FNIP1: variants seen among roughly 807,000 people sequenced by gnomAD.
The protein encoded by FNIP1 is folliculin interacting protein 1, also known as folliculin-interacting protein 1.
FNIP1 carries 40 observed loss-of-function variants against 124.5 expected under a neutral mutation model. The observed-to-expected ratio is 0.32, with a 90% confidence interval of 0.25 to 0.42. FNIP1 has a LOEUF of 0.42. Ranked by LOEUF, FNIP1 falls within the 10% of genes least tolerant of loss-of-function variation. FNIP1 has a pLI of 1.00. For synonymous variants in FNIP1, 472 were observed against 470.6 expected, an observed-to-expected ratio of 1.00 and a Z score of -0.04; for missense variants, 1,176 against 1,403.7, an observed-to-expected ratio of 0.84 and a Z score of 2.59.
intron 1 of FNIP1, among the ~76,000 whole-genome samples, chr5:131,754,477 A>G (rs1222823345): frequency 2.0e-5 from 3 of 152,264 alleles, no homozygotes; most frequent in Non-Finnish European, 2.9e-5. Context: ...GATTCCAGGC[A>G]GTCTTTCAGT....
chr5:131,681,274 G>GA (rs1016126690), intron 11 of FNIP1, among the ~76,000 whole-genome samples: 2 of 152,024 alleles, frequency 1.3e-5, no homozygotes, highest in African/African-American at 4.8e-5. Context: ...GAGATTAGGG[G>GA]AAAAATATCT....
In FNIP1 at chr5:131,796,851, C is replaced by G. The variant is rs1423785088; in HGVS notation, c.71G>C (p.Arg24Pro). 2 of 1,601,198 alleles carry G rather than the reference C, an allele frequency of 1.2e-6. No individual in the cohort carries two copies. The highest frequency in any genetic ancestry group is 1.7e-6 in the Non-Finnish European group (2 of 1,174,700). The part of the protein sequence containing the change: ...TGLGAPGRDA[R>P]DPDCGFSWPL... ...CTACCTGAACCCGCAATCTGGGTCC[C>G]GGGCGTCGCGGCCGGGCGCGCCCAG... is the stretch of plus-strand genomic sequence containing the variant. The change falls in exon 1 of 18, where the codon CGG (arginine) becomes CCG (proline). Residue 24 changes from arginine (R) to proline (P), a missense_variant. This residue lies in a region of FNIP1 where 1,109 missense variants were observed against 1,288.5 expected (regional missense o/e 0.86). Transcript: ENST00000510461.
In FNIP1 at chr5:131,742,691, C is replaced by G. The variant is rs1770550843; in HGVS notation, c.219+1873G>C. 2.0e-5 allele frequency among the ~76,000 whole-genome samples: 3 copies of G among 152,206 alleles called. No homozygotes were observed. The South Asian group carries it at 6.2e-4, about 31-fold the overall frequency. On this transcript the variant is annotated intron_variant, in intron 2 of 17. Coordinates refer to ENST00000510461, the MANE Select transcript of FNIP1 (RefSeq NM_133372.3). Reference sequence around the variant, plus strand: ...CAAAGCTGAATAATTTACTTTCATACAGCAAACTGCTAATGCTTAAACATA... The same window carrying G: ...CAAAGCTGAATAATTTACTTTCATAGAGCAAACTGCTAATGCTTAAACATA...
At chr5:131,655,791 G>A (rs895629274) in intron 15 of FNIP1, among the ~76,000 whole-genome samples, 3 of 151,616 alleles carry the variant, frequency 2.0e-5, no homozygotes, top group African/African-American at 4.8e-5. Flanking sequence ...GGTGGCAGGC[G>A]CCTGCAATCC....
intron 15 of FNIP1, among the ~76,000 whole-genome samples, chr5:131,661,834 A>T (rs564942386): frequency 6.6e-6 from 1 of 152,202 alleles, no homozygotes; most frequent in African/African-American, 2.4e-5. Context: ...CAAATTAGAT[A>T]AGTGAATGGT....
intron 1 of FNIP1, among the ~76,000 whole-genome samples, chr5:131,749,055 A>G (rs994966553): frequency 2.0e-5 from 3 of 152,184 alleles, no homozygotes; most frequent in African/African-American, 7.2e-5. Context: ...GCACATAAAG[A>G]AAGAAAATAT....
chr5:131,681,612 C>A, intron 11 of FNIP1, among the ~76,000 whole-genome samples: 1 of 149,472 alleles, frequency 6.7e-6, no homozygotes, highest in African/African-American at 2.5e-5. Context: ...ATCTAATTTT[C>A]AAAGAAAAGG....
Position 131,785,050 on chromosome 5 carries a change from TATATATATC to T in FNIP1, c.92+11771_92+11779del, listed in dbSNP as rs1188038414. Reference sequence around the variant, plus strand: ...ATGACATATATATGATATATATGACTATATATATCATATATATGATATATATGACATATA... The same window carrying T: ...ATGACATATATATGATATATATGACTATATATATGATATATATGACATATA... On this transcript the variant is annotated intron_variant, in intron 1 of 17. Transcript: ENST00000510461. 3.9e-3 allele frequency among the ~76,000 whole-genome samples: 457 copies of T among 116,476 alleles called. 39 individuals carry two copies. The highest frequency in any genetic ancestry group is 0.02 in the African/African-American group (403 of 20,428). The allele number at this position is 116,476 out of a possible 152,430, so 76.4% of individuals were successfully genotyped here. A position where few individuals can be genotyped will look rare whatever the true frequency, so the allele number is the denominator to read the frequency against.
chr5:131,711,223 C>T (rs1769281368), intron 6 of FNIP1, among the ~76,000 whole-genome samples: 1 of 152,138 alleles, frequency 6.6e-6, no homozygotes, highest in Non-Finnish European at 1.5e-5. Flanking sequence ...ACCAAGGTTA[C>T]TAAACCAGGA....
intron 2 of FNIP1, among the ~76,000 whole-genome samples, chr5:131,739,431 A>C (rs945149328): frequency 2.0e-5 from 3 of 152,168 alleles, no homozygotes; most frequent in African/African-American, 7.2e-5. Context: ...ATGATGCCTT[A>C]ATCATATACC....
intron 1 of FNIP1, among the ~76,000 whole-genome samples, chr5:131,768,671 G>T (rs1771524207): frequency 6.6e-6 from 1 of 151,938 alleles, no homozygotes; most frequent in African/African-American, 2.4e-5. Flanking sequence ...TTAGCCAGGG[G>T]TAATGTAATC....
chr5:131,709,344 T>C, intron 7 of FNIP1, 72 bp from the exon 8 acceptor site: 1 of 1,301,338 alleles, frequency 7.7e-7, no homozygotes, highest in Non-Finnish European at 1.1e-6. Context: ...TCCTTTTAAA[T>C]AGCAAACGAA....
intron 15 of FNIP1, among the ~76,000 whole-genome samples, chr5:131,657,184 A>G (rs1767221365): frequency 6.6e-6 from 1 of 151,956 alleles, no homozygotes. Context: ...GTGTATTTTT[A>G]GTAGAGACGG....
At chr5:131,759,787 CAT>C (rs1172524808) in intron 1 of FNIP1, among the ~76,000 whole-genome samples, 7 of 152,092 alleles carry the variant, frequency 4.6e-5, no homozygotes, top group Admixed American at 6.5e-5. Context: ...TACATGTATT[CAT>C]ATGTTCATCA....
chr5:131,652,255 C>T (rs1315985813), intron 15 of FNIP1, among the ~76,000 whole-genome samples: 2 of 152,238 alleles, frequency 1.3e-5, no homozygotes, highest in African/African-American at 4.8e-5. Context: ...TAACTTTCAA[C>T]AGTCTTTTGA....
intron 1 of FNIP1, among the ~76,000 whole-genome samples, chr5:131,772,049 G>A (rs569074941): frequency 6.6e-6 from 1 of 152,160 alleles, no homozygotes; most frequent in African/African-American, 2.4e-5. Flanking sequence ...ACATACAAAG[G>A]AATACTACTT....
chr5:131,694,381 T>C (rs965942193), intron 11 of FNIP1, among the ~76,000 whole-genome samples: 1 of 152,172 alleles, frequency 6.6e-6, no homozygotes, highest in Non-Finnish European at 1.5e-5. Context: ...AATGGAATAT[T>C]ACTCGATGAT....
intron 2 of FNIP1, 94 bp downstream of exon 2, chr5:131,744,470 C>A: frequency 2.4e-6 from 3 of 1,246,580 alleles, no homozygotes; most frequent in Non-Finnish European, 3.3e-6. Flanking sequence ...CCAGTCATTT[C>A]CTTCTCCCTC....
chr5:131,657,758 A>AAAAAAAAAC (rs1767248419), intron 15 of FNIP1, among the ~76,000 whole-genome samples: 5 of 148,418 alleles, frequency 3.4e-5, no homozygotes, highest in African/African-American at 1.3e-4. Flanking sequence ...AAAAAAAAAA[A>AAAAAAAAAC]CGGTGGGTGA....
Sources: allele counts gnomAD v4.1 joint callset (sites outside exome capture counted in the v4.1 genomes callset), GRCh38; gene constraint gnomAD v4.1.1; regional missense constraint gnomAD v4.1.1; transcripts MANE v1.5; gene names NCBI Gene and HGNC (gene_info 2026-07-23, HGNC 2026-07-21).